JAG1: variants seen among roughly 807,000 people sequenced by gnomAD.
The protein encoded by JAG1 is protein jagged-1.
Under a neutral mutation model 148.7 loss-of-function variants are expected in JAG1, and 23 were observed. That is an observed-to-expected ratio of 0.15 (90% CI 0.11 to 0.22). JAG1 has a LOEUF of 0.22. Ranked by LOEUF, JAG1 falls within the 10% of genes least tolerant of loss-of-function variation. The probability of loss-of-function intolerance (pLI) is 1.00; values close to 1 mark genes in which losing one functional copy is unlikely to be tolerated. For missense variants in JAG1, 1,054 were observed against 1,611.2 expected (o/e 0.65, Z 5.92); for synonymous variants, 572 against 598.3 (o/e 0.96, Z 0.64).
Position 10,652,610 on chromosome 20 carries a change from C to T in JAG1, c.756-12G>A, listed in dbSNP as rs996389955. The T allele has an allele frequency of 1.9e-6, 3 of 1,613,774 alleles. No individual in the cohort carries two copies. The highest frequency in any genetic ancestry group is 1.1e-5 in the South Asian group (1 of 91,022). On this transcript the variant is annotated splice_polypyrimidine_tract_variant and intron_variant, in intron 5 of 25. Coordinates refer to ENST00000254958, the MANE Select transcript of JAG1 (RefSeq NM_000214.3). ...AGCCGTACTGGCACCTGGAGACACA[C>T]AGCACACCTCCAGGTTAGCCTTTTG... is the stretch of plus-strand genomic sequence containing the variant.
At chr20:10,644,825 G>A (rs982494497) in intron 18 of JAG1, 38 bp downstream of exon 18, 6 of 1,449,806 alleles carry the variant, frequency 4.1e-6, no homozygotes, top group African/African-American at 1.4e-5. Flanking sequence ...GATCTGCTCC[G>A]ACAGCCCTGG....
Position 10,639,256 on chromosome 20 carries a change from G to C in JAG1, c.*242C>G, listed in dbSNP as rs140136358. 1 of 551,588 alleles carries C rather than the reference G, an allele frequency of 1.8e-6. No individual in the cohort carries two copies. Among genetic ancestry groups the C allele is most frequent in the African/African-American group, 1.9e-5 (1 of 53,404 alleles). 34.2% of individuals were successfully genotyped at this position (551,588 alleles called of 1,614,324 possible). On this transcript the variant is annotated 3_prime_UTR_variant, in exon 26 of 26. Coordinates refer to ENST00000254958, the MANE Select transcript of JAG1 (RefSeq NM_000214.3). ...TGGGAGCCTGATCCGAGACCGTGTC[G>C]GCTGCAAGGGGACACACAACCAGGG... is the stretch of plus-strand genomic sequence containing the variant.
chr20:10,643,922 ATCAC>A, intron 19 of JAG1, 59 bp from the exon 20 acceptor site: 2 of 1,269,628 alleles, frequency 1.6e-6, no homozygotes, highest in Non-Finnish European at 1.1e-6. Context: ...CTGGCTGCCA[ATCAC>A]TCACATGTCA....
intron 7 of JAG1, 144 bp downstream of exon 7, chr20:10,651,987 A>G (rs2067349752): frequency 1.0e-6 from 1 of 964,176 alleles, no homozygotes. Context: ...AAAGTTACAA[A>G]GGCTTATAGA....
intron 3 of JAG1, chr20:10,662,245 A>T (rs760746776): frequency 1.4e-4 from 21 of 152,144 alleles, no homozygotes; most frequent in Non-Finnish European, 2.8e-4. Context: ...TTACCCCCCC[A>T]GGAGATGAAA....
intron 20 of JAG1, 52 bp downstream of exon 20, chr20:10,643,726 A>G (rs759194615): frequency 1.4e-6 from 2 of 1,399,024 alleles, no homozygotes; most frequent in Non-Finnish European, 2.0e-6. Flanking sequence ...GGGGTGAGGC[A>G]TGGAATGAAG....
At position 10,639,281 on chromosome 20, in the gene JAG1, G is replaced by A. The variant is rs2067253368; in HGVS notation, c.*217C>T. 1.6e-6 allele frequency: 1 copy of A among 625,358 alleles called. No homozygotes were observed. The highest frequency in any genetic ancestry group is 2.9e-6 in the Non-Finnish European group (1 of 341,230). The allele number at this position is 625,358 out of a possible 1,614,324, so 38.7% of individuals were successfully genotyped here. A position where few individuals can be genotyped will look rare whatever the true frequency, so the allele number is the denominator to read the frequency against. Reference sequence around the variant, plus strand: ...GGCTGCAAGGGGACACACAACCAGGGTACTGTTGACTAGCTTTTTGCATAG... The same window carrying A: ...GGCTGCAAGGGGACACACAACCAGGATACTGTTGACTAGCTTTTTGCATAG... On this transcript the variant is annotated 3_prime_UTR_variant, in exon 26 of 26. Coordinates refer to ENST00000254958, the MANE Select transcript of JAG1 (RefSeq NM_000214.3).
intron 4 of JAG1, 47 bp downstream of exon 4, chr20:10,658,421 C>A: frequency 6.2e-7 from 1 of 1,609,360 alleles, no homozygotes; most frequent in Non-Finnish European, 8.5e-7. Flanking sequence ...GATAAATGGA[C>A]ACTAAAAGCA....
At position 10,639,804 on chromosome 20, in the gene JAG1, C is replaced by A. The variant is rs1568790865; in HGVS notation, c.3351G>T (p.Glu1117Asp). ...TGGGGTTTTTGATCTGGTTCAGCTGCTCCCGCACGTTGTTGGTGGTGTTGT... is the reference window on the plus strand; with the variant it reads ...TGGGGTTTTTGATCTGGTTCAGCTGATCCCGCACGTTGTTGGTGGTGTTGT... ...SEDNTTNNVR[E>D]QLNQIKNPIE... Residue 1117 changes from glutamate (E) to aspartate (D), a missense_variant, in exon 26 of 26, where the codon GAG (glutamate) becomes GAT (aspartate). Physicochemically the swap from Glu to Asp is conservative, Grantham distance 45 (BLOSUM62 2). This residue lies in a region of JAG1 where 177 missense variants were observed against 177.3 expected (regional missense o/e 1.00). Coordinates refer to ENST00000254958, the MANE Select transcript of JAG1 (RefSeq NM_000214.3). The A allele has an allele frequency of 6.2e-7, 1 of 1,614,070 alleles. No individual in the cohort carries two copies. The highest frequency in any genetic ancestry group is 1.3e-5 in the African/African-American group (1 of 74,928).
At chr20:10,654,771 A>G (rs2067367933) in intron 5 of JAG1, among the ~76,000 whole-genome samples, 1 of 152,132 alleles carries the variant, frequency 6.6e-6, no homozygotes, top group African/African-American at 2.4e-5. Context: ...AGGGAGAGGG[A>G]GGTGGGACTT....
intron 3 of JAG1, among the ~76,000 whole-genome samples, chr20:10,658,957 C>T (rs1300644400): frequency 6.6e-6 from 1 of 152,162 alleles, no homozygotes; most frequent in Non-Finnish European, 1.5e-5. Context: ...AATAATTTAC[C>T]TAGTCCCTGA....
At chr20:10,656,721 C>T (rs1488402850) in intron 4 of JAG1, among the ~76,000 whole-genome samples, 1 of 152,134 alleles carries the variant, frequency 6.6e-6, no homozygotes, top group Non-Finnish European at 1.5e-5. Context: ...GGGGGACCTT[C>T]GTCCAGCCTC....
Position 10,652,180 on chromosome 20 carries a change from T to C in JAG1, c.957A>G (p.Lys319=). Residue 319 remains lysine, a synonymous_variant, in exon 7 of 26, where the codon AAA becomes AAG. Coordinates refer to ENST00000254958, the MANE Select transcript of JAG1 (RefSeq NM_000214.3). ...GGTCSNTGPD[K]YQCSCPEGYS... ...ACCCCTCAGGGCAGGAACACTGATATTTGTCAGGGCCTGTGTTGCTACAAG... is the reference window on the plus strand; with the variant it reads ...ACCCCTCAGGGCAGGAACACTGATACTTGTCAGGGCCTGTGTTGCTACAAG... 1.2e-6 allele frequency: 2 copies of C among 1,614,082 alleles called. No individual in the cohort carries two copies. The highest frequency in any genetic ancestry group is 1.7e-6 in the Non-Finnish European group (2 of 1,179,958).
At chr20:10,652,281 A>T in intron 6 of JAG1, 31 bp from the exon 7 acceptor site, 1 of 1,613,332 alleles carries the variant, frequency 6.2e-7, no homozygotes, top group Non-Finnish European at 8.5e-7. Flanking sequence ...TCACTAAGAG[A>T]CGCCTGTGAA....
At chr20:10,653,252 T>C (rs1051080398) in intron 5 of JAG1, among the ~76,000 whole-genome samples, 3 of 149,886 alleles carry the variant, frequency 2.0e-5, no homozygotes, top group Non-Finnish European at 4.4e-5. Context: ...TAATTTATAG[T>C]GATTTCTTGC....
In JAG1 at chr20:10,660,949, C is replaced by A. The variant is rs374229434; in HGVS notation, c.440-2227G>T. On this transcript the variant is annotated intron_variant, in intron 3 of 25. Coordinates refer to ENST00000254958, the MANE Select transcript of JAG1 (RefSeq NM_000214.3). ...GGGCGAGTCTGAGCATAACCTGGGA[C>A]CACACCGACCCAAAAACCTGGAAGG... is the stretch of plus-strand genomic sequence containing the variant. Among the ~76,000 whole-genome samples the A allele has an allele frequency of 1.4e-4, 21 of 152,262 alleles. No homozygotes were observed. The East Asian group carries it at 3.3e-3, about 24-fold the overall frequency.
chr20:10,669,588 A>AAAAAAAAAAAAAAAAAAAAAAAAAAG, intron 2 of JAG1, among the ~76,000 whole-genome samples: 1 of 136,046 alleles, frequency 7.4e-6, no homozygotes, highest in Non-Finnish European at 1.6e-5. Context: ...AAAAAAAAAA[A>AAAAAAAAAAAAAAAAAAAAAAAAAAG]GTTGATCTCA....
At position 10,648,666 on chromosome 20, in the gene JAG1, A is replaced by C; in HGVS notation, c.1452T>G (p.Cys484Trp). Reference sequence around the variant, plus strand: ...TGGCACATTCATCGATGTCTCTCTCACAGTGATCGCCTGCATAGCCAGGTG... The same window carrying C: ...TGGCACATTCATCGATGTCTCTCTCCCAGTGATCGCCTGCATAGCCAGGTG... Reference protein sequence around the residue: ...ICPPGYAGDHCERDIDECASN... With the variant: ...ICPPGYAGDHWERDIDECASN... Residue 484 changes from cysteine to tryptophan, a missense_variant, in exon 12 of 26, where the codon TGT becomes TGG. Cys to Trp is a radical substitution (Grantham distance 215). Transcript: ENST00000254958. 6.2e-7 allele frequency: 1 copy of C among 1,614,144 alleles called. No homozygotes were observed. Among genetic ancestry groups the C allele is most frequent in the Non-Finnish European group, 8.5e-7 (1 of 1,179,994 alleles).
At position 10,664,542 on chromosome 20, in the gene JAG1, T is replaced by C. The variant is rs150800533; in HGVS notation, c.388-528A>G. ...TCCTTTTTAGAACCCCTTTGAAAAC[T>C]CTGTCTATGTGAGACCATCCTGGCT... On this transcript the variant is annotated intron_variant, in intron 2 of 25. Transcript: ENST00000254958. Among the ~76,000 whole-genome samples, 269 of 152,246 alleles carry C rather than the reference T, an allele frequency of 1.8e-3. 1 individual carries two copies. Among genetic ancestry groups the C allele is most frequent in the African/African-American group, 6.1e-3 (252 of 41,532 alleles).
Sources: allele counts gnomAD v4.1 joint callset (sites outside exome capture counted in the v4.1 genomes callset), GRCh38; gene constraint gnomAD v4.1.1; regional missense constraint gnomAD v4.1.1; transcripts MANE v1.5; gene names NCBI Gene and HGNC (gene_info 2026-07-23, HGNC 2026-07-21).